The following SATB1 variants were observed in gnomAD, a reference collection of about 807,000 sequenced individuals.
The protein encoded by SATB1 is DNA-binding protein SATB1.
SATB1 carries 11 observed loss-of-function variants against 86.9 expected under a neutral mutation model. The ratio of observed to expected loss-of-function variants is 0.13; its 90% CI spans 0.08 to 0.21. The LOEUF (loss-of-function observed/expected upper bound fraction) is 0.21. Among genes scored for constraint, SATB1 ranks in the 10% least tolerant of loss-of-function variants. SATB1 has a pLI of 1.00. For missense variants in SATB1, 551 were observed against 937.6 expected (o/e 0.59, Z 5.39); for synonymous variants, 357 against 357.2 (o/e 1.00, Z 0.01).
chr3:18,394,753 A>C lies in SATB1; in HGVS notation c.915T>G (p.Pro305=). 9 of 1,614,116 alleles carry C rather than the reference A, an allele frequency of 5.6e-6. No homozygotes were observed. Among genetic ancestry groups the C allele is most frequent in the Non-Finnish European group, 5.9e-6 (7 of 1,180,020 alleles). ...SVRTPLPNLH[P]GLVSTPISPQ... is the part of the protein sequence containing the mutation. ...GACTGATAGGTGTTGATACGAGCCC[A>C]GGGTGCAGGTTTGGAAGAGGTGTCC... The change falls in exon 7 of 11, where the codon CCT becomes CCG. Residue 305 remains proline, a synonymous_variant. Transcript: ENST00000338745. The surrounding 1 kb of genome is among the most constrained non-coding windows in gnomAD (Gnocchi z 5.9).
intron 10 of SATB1, chr3:18,351,392 G>A: frequency 6.4e-7 from 1 of 1,551,066 alleles, no homozygotes; most frequent in Non-Finnish European, 8.7e-7. Context: ...TTTCCCAAGG[G>A]TGGTGGGAGA....
At chr3:18,387,292 C>T (rs1696393770) in intron 7 of SATB1, among the ~76,000 whole-genome samples, 1 of 152,176 alleles carries the variant, frequency 6.6e-6, no homozygotes. Flanking sequence ...AAATTTTGAA[C>T]TTTAAAAACC....
upstream of SATB1, chr3:18,425,375 G>T (rs926404321): frequency 3.2e-5 from 5 of 155,056 alleles, no homozygotes; most frequent in African/African-American, 2.4e-5. Context: ...GAGGAGGAGG[G>T]GGGAGGAGAG....
rs563116252 is a variant in SATB1, at chr3:18,347,466, T to C, written c.*1704A>G. ...TGAGATACACTTACGAGCTCAGTTA[T>C]TAACTTATTCCACTTATAACTTGTG... On this transcript the variant is annotated 3_prime_UTR_variant, in exon 11 of 11. Transcript: ENST00000338745. 9.2e-5 allele frequency: 14 copies of C among 152,048 alleles called. No individual in the cohort carries two copies. Among genetic ancestry groups the C allele is most frequent in the Non-Finnish European group, 1.9e-4 (13 of 68,010 alleles). 9.4% of individuals were successfully genotyped at this position (152,048 alleles called of 1,614,324 possible). A position where few individuals can be genotyped will look rare whatever the true frequency, so the allele number is the denominator to read the frequency against.
At chr3:18,403,629 C>T (rs1482260615) in intron 5 of SATB1, among the ~76,000 whole-genome samples, 1 of 152,002 alleles carries the variant, frequency 6.6e-6, no homozygotes. Context: ...GAAATAAATG[C>T]CTGCACAATG....
intron 9 of SATB1, among the ~76,000 whole-genome samples, chr3:18,372,759 T>C (rs145208553): frequency 2.1e-4 from 32 of 152,356 alleles, no homozygotes; most frequent in Non-Finnish European, 3.8e-4. Context: ...AATAGTCCTG[T>C]TTGGCATTCA....
intron 9 of SATB1, among the ~76,000 whole-genome samples, chr3:18,360,918 GAGA>G (rs1469552320): frequency 6.6e-6 from 1 of 152,150 alleles, no homozygotes; most frequent in Non-Finnish European, 1.5e-5. Flanking sequence ...GATCCACATG[GAGA>G]AGAAGAGTTG....
intron 9 of SATB1, among the ~76,000 whole-genome samples, chr3:18,354,243 C>T (rs979529161): frequency 3.3e-5 from 5 of 152,098 alleles, no homozygotes; most frequent in Non-Finnish European, 2.9e-5. Context: ...TATACATTTT[C>T]CTACAACTAA....
intron 9 of SATB1, among the ~76,000 whole-genome samples, chr3:18,370,796 T>C (rs1695443150): frequency 6.6e-6 from 1 of 152,182 alleles, no homozygotes; most frequent in Non-Finnish European, 1.5e-5. Context: ...GAAAATACTC[T>C]ATTGAGCATG....
At chr3:18,397,322 T>C (rs1201693645) in intron 5 of SATB1, 32 bp from the exon 6 acceptor site, 5 of 1,176,046 alleles carry the variant, frequency 4.3e-6, no homozygotes, top group Non-Finnish European at 6.4e-6. Flanking sequence ...ATATTTGTAA[T>C]ACACAGCAGC....
chr3:18,364,155 A>T (rs569372181), intron 9 of SATB1, among the ~76,000 whole-genome samples: 169 of 152,294 alleles, frequency 1.1e-3, no homozygotes, highest in Middle Eastern at 3.4e-3. Flanking sequence ...TACAAAATTT[A>T]TCTAATCATT....
In SATB1 at chr3:18,352,027, G is replaced by A. The variant is rs1176088051; in HGVS notation, c.1744C>T (p.Pro582Ser). Residue 582 changes from proline (P) to serine (S), a missense_variant, in exon 10 of 11, where the codon CCC (proline) becomes TCC (serine). Around this residue, in one of 8 missense-constraint regions of SATB1, gnomAD observed 87 missense variants for 103.6 expected, o/e 0.84. Transcript: ENST00000338745. The surrounding 1 kb of genome is among the most constrained non-coding windows in gnomAD (Gnocchi z 4.1). ...NAVHHHGDRP[P>S]HIIHVPAEQI... ...TCTGCTGGAACATGGATAATGTGGG[G>A]CGGCCTGTCGCCATGGTGATGCACC... The A allele has an allele frequency of 3.7e-6, 6 of 1,614,218 alleles. No individual in the cohort carries two copies. The South Asian group carries it at 6.6e-5, about 18-fold the overall frequency.
intron 8 of SATB1, among the ~76,000 whole-genome samples, chr3:18,383,492 A>G (rs1034188319): frequency 1.3e-5 from 2 of 152,202 alleles, no homozygotes; most frequent in Non-Finnish European, 2.9e-5. Context: ...GTTCTTTAGA[A>G]AGAAATCAGG....
At chr3:18,362,924 T>C (rs1034641094) in intron 9 of SATB1, among the ~76,000 whole-genome samples, 2 of 133,866 alleles carry the variant, frequency 1.5e-5, no homozygotes, top group African/African-American at 2.7e-5. Flanking sequence ...AAAGAATAAT[T>C]TTAAGGTGAC....
At chr3:18,378,147 C>G (rs778170762) in intron 9 of SATB1, 23 bp downstream of exon 9, 2 of 1,536,800 alleles carry the variant, frequency 1.3e-6, no homozygotes, top group Admixed American at 2.3e-5. Flanking sequence ...TAAACATTCT[C>G]AATGCCTAAC....
chr3:18,394,644 A>T lies in SATB1; in HGVS notation c.1024T>A (p.Leu342Ile). Reference sequence around the variant, plus strand: ...GGGTGGTTCAAGTATTGTTGGTTTAAGGACTGCTGGGCTAAAAGTCTATTC... The same window carrying T: ...GGGTGGTTCAAGTATTGTTGGTTTATGGACTGCTGGGCTAAAAGTCTATTC... ...AVNRLLAQQS[L>I]NQQYLNHPPP... The change falls in exon 7 of 11, where the codon TTA (leucine) becomes ATA (isoleucine). Residue 342 changes from leucine to isoleucine, a missense_variant. Physicochemically the swap from Leu to Ile is conservative, Grantham distance 5. This residue lies in a region of SATB1 where 119 missense variants were observed against 171.1 expected (regional missense o/e 0.70). Coordinates refer to ENST00000338745, the MANE Select transcript of SATB1 (RefSeq NM_002971.6). The surrounding 1 kb of genome is among the most constrained non-coding windows in gnomAD (Gnocchi z 5.9). 6.2e-7 allele frequency: 1 copy of T among 1,614,188 alleles called. No individual in the cohort carries two copies. The highest frequency in any genetic ancestry group is 2.2e-5 in the East Asian group (1 of 44,874).
upstream of SATB1, among the ~76,000 whole-genome samples, chr3:18,425,665 G>A (rs948835353): frequency 3.3e-5 from 5 of 151,824 alleles, no homozygotes; most frequent in African/African-American, 1.2e-4. Context: ...CAGAATAACA[G>A]GGCGCTGTGC....
chr3:18,349,824 C>A lies in SATB1; in HGVS notation c.1780-142G>T. The stretch of plus-strand genomic sequence containing the variant: ...GAAGATTTAGAAAGAAAAGGTAGGC[C>A]GGCGAAATGGCCGACAGCATTTACA... On this transcript the variant is annotated intron_variant, in intron 10 of 10. Transcript: ENST00000338745. The surrounding 1 kb of genome is among the most constrained non-coding windows in gnomAD (Gnocchi z 5.5). The A allele has an allele frequency of 2.9e-6, 4 of 1,378,684 alleles. No homozygotes were observed. Among genetic ancestry groups the A allele is most frequent in the South Asian group, 1.6e-5 (1 of 62,012 alleles). 85.4% of individuals were successfully genotyped at this position (1,378,684 alleles called of 1,614,324 possible).
chr3:18,366,626 G>T (rs1409424888), intron 9 of SATB1, among the ~76,000 whole-genome samples: 1 of 152,088 alleles, frequency 6.6e-6, no homozygotes, highest in African/African-American at 2.4e-5. Context: ...ATTCCCCAAT[G>T]GAATTCGGCT....
Sources: allele counts gnomAD v4.1 joint callset (sites outside exome capture counted in the v4.1 genomes callset), GRCh38; gene constraint gnomAD v4.1.1; regional missense constraint gnomAD v4.1.1; non-coding constraint Gnocchi (gnomAD v3.1); transcripts MANE v1.5; gene names NCBI Gene and HGNC (gene_info 2026-07-23, HGNC 2026-07-21).